The following LCP1 variants were observed in gnomAD, a reference collection of about 807,000 sequenced individuals.
LCP1 encodes the protein lymphocyte cytosolic protein 1, also known as plastin-2.
A neutral mutation model predicts 72.0 loss-of-function variants in LCP1; 23 were observed. That is an observed-to-expected ratio of 0.32 (90% confidence interval 0.23 to 0.45). The LOEUF is 0.45. LCP1 is among the 20% of genes least tolerant of loss of function. LCP1 has a pLI of 1.00. For synonymous variants in LCP1, 245 were observed against 275.4 expected (o/e 0.89, Z 1.09); for missense variants, 571 against 748.3 (o/e 0.76, Z 2.76).
chr13:46,176,184 T>C (rs1012384923), intron 1 of LCP1, among the ~76,000 whole-genome samples: 14 of 152,162 alleles, frequency 9.2e-5, no homozygotes, highest in African/African-American at 3.1e-4. Context: ...AGTTTTAAAA[T>C]GGCTAGAAGA....
chr13:46,144,770 G>A lies in LCP1; in HGVS notation c.1175-250C>T, dbSNP rs185637180. 2.3e-3 allele frequency among the ~76,000 whole-genome samples: 353 copies of A among 152,212 alleles called. 1 individual carries two copies. Among genetic ancestry groups the A allele is most frequent in the African/African-American group, 8.1e-3 (335 of 41,530 alleles). ...TCCTGTGTGGGGTAGCTGTTCAGTT[G>A]GCTCTCAAAGGCTTACCTTCTTGCT... On this transcript the variant is annotated intron_variant, in intron 10 of 15. Coordinates refer to ENST00000323076, the MANE Select transcript of LCP1 (RefSeq NM_002298.5).
At chr13:46,174,752 A>C (rs2045919900) in intron 1 of LCP1, among the ~76,000 whole-genome samples, 1 of 151,532 alleles carries the variant, frequency 6.6e-6, no homozygotes. Flanking sequence ...AGGCTGAGGC[A>C]GGAGAATCTC....
chr13:46,148,311 T>C (rs372482986), intron 9 of LCP1, 41 bp downstream of exon 9: 18 of 1,399,776 alleles, frequency 1.3e-5, no homozygotes, highest in African/African-American at 2.8e-5. Context: ...AACATGAAAA[T>C]AGCATCATAT....
intron 1 of LCP1, among the ~76,000 whole-genome samples, chr13:46,163,444 C>G (rs1032010175): frequency 1.3e-5 from 2 of 152,004 alleles, no homozygotes; most frequent in African/African-American, 2.4e-5. Context: ...GCAGCATGCT[C>G]GTTAAGAGTC....
intron 1 of LCP1, chr13:46,169,720 G>A (rs1015612332): frequency 6.6e-6 from 1 of 152,378 alleles, no homozygotes; most frequent in East Asian, 1.9e-4. Context: ...AAGTAGCTAG[G>A]ACTACAGGCG....
At position 46,150,936 on chromosome 13, in the gene LCP1, C is replaced by T. The variant is rs1566439297; in HGVS notation, c.882G>A (p.Lys294=). The change falls in exon 8 of 16, where the codon AAG becomes AAA. Residue 294 remains lysine, a splice_region_variant and synonymous_variant. Coordinates refer to ENST00000323076, the MANE Select transcript of LCP1 (RefSeq NM_002298.5). The stretch of plus-strand genomic sequence containing the variant: ...CATGTTCAAACAACGCTCCTCCTAC[C>T]TTGATGTCAGTACTGAAGTTGCCAA... ...NKIGNFSTDI[K]DSKAYYHLLE... is the part of the protein sequence containing the mutation. The T allele has an allele frequency of 1.9e-6, 3 of 1,613,396 alleles. No individual in the cohort carries two copies. Among genetic ancestry groups the T allele is most frequent in the Non-Finnish European group, 1.7e-6 (2 of 1,179,630 alleles).
At chr13:46,164,144 C>T (rs991366261) in intron 1 of LCP1, among the ~76,000 whole-genome samples, 1 of 152,180 alleles carries the variant, frequency 6.6e-6, no homozygotes, top group African/African-American at 2.4e-5. Context: ...TGACTCTAAA[C>T]CTGGCCTTAT....
chr13:46,145,691 C>G (rs1362377127), intron 10 of LCP1, among the ~76,000 whole-genome samples: 1 of 78,002 alleles, frequency 1.3e-5, no homozygotes, highest in Non-Finnish European at 2.6e-5. Flanking sequence ...GGGCGGATCA[C>G]GAGGTCAGGA....
intron 1 of LCP1, among the ~76,000 whole-genome samples, chr13:46,181,770 A>G (rs552230808): frequency 6.6e-6 from 1 of 152,378 alleles, no homozygotes; most frequent in Non-Finnish European, 1.5e-5. Flanking sequence ...TAAAGAAGAT[A>G]AAATCACAGT....
intron 15 of LCP1, among the ~76,000 whole-genome samples, chr13:46,128,438 A>C (rs2045613751): frequency 6.6e-6 from 1 of 152,134 alleles, no homozygotes. Context: ...CTCTACTAAA[A>C]ATACAAAAAA....
intron 1 of LCP1, among the ~76,000 whole-genome samples, chr13:46,162,641 G>C (rs866838721): frequency 5.2e-4 from 79 of 152,144 alleles, no homozygotes; most frequent in African/African-American, 1.9e-3. Context: ...GCGTGATCTC[G>C]GCTAGCTACA....
chr13:46,135,125 A>AAAAG (rs2045657301), intron 13 of LCP1, among the ~76,000 whole-genome samples: 11 of 119,288 alleles, frequency 9.2e-5, no homozygotes, highest in Admixed American at 1.8e-4. Flanking sequence ...AAAAAAAAAG[A>AAAAG]AAAAAAAAAA....
chr13:46,154,027 G>A (rs890284189), intron 6 of LCP1, among the ~76,000 whole-genome samples: 8 of 152,258 alleles, frequency 5.3e-5, no homozygotes, highest in Admixed American at 4.6e-4. Flanking sequence ...AGCAAAGGCC[G>A]CCAGTGAATT....
intron 1 of LCP1, among the ~76,000 whole-genome samples, chr13:46,172,895 G>GT (rs2045911374): frequency 2.0e-5 from 3 of 152,224 alleles, no homozygotes. Flanking sequence ...ACTCCCCAAA[G>GT]TCTCAAAGTA....
At chr13:46,176,576 C>T (rs1319761428) in intron 1 of LCP1, among the ~76,000 whole-genome samples, 2 of 152,148 alleles carry the variant, frequency 1.3e-5, no homozygotes, top group African/African-American at 4.8e-5. Flanking sequence ...CATTTGGATA[C>T]ATAGCTTGGA....
chr13:46,145,947 G>A lies in LCP1; in HGVS notation c.1174+961C>T, dbSNP rs981221850. On this transcript the variant is annotated intron_variant, in intron 10 of 15. Coordinates refer to ENST00000323076, the MANE Select transcript of LCP1 (RefSeq NM_002298.5). ...AAAAAAAAAAAAAAAAAAAAAAAAA[G>A]AGGGCAAACGGGATGGGAGGTGGGC... Among the ~76,000 whole-genome samples, 442 of 110,970 alleles carry A rather than the reference G, an allele frequency of 4.0e-3. 48 individuals are homozygous for A. Among genetic ancestry groups the A allele is most frequent in the African/African-American group, 0.011 (318 of 30,198 alleles). 72.8% of individuals were successfully genotyped at this position (110,970 alleles called of 152,430 possible).
intron 1 of LCP1, among the ~76,000 whole-genome samples, chr13:46,174,566 G>A (rs60703870): frequency 0.049 from 7,456 of 152,192 alleles, 239 homozygotes; most frequent in South Asian, 0.078. Flanking sequence ...ATTATAGGCC[G>A]GGTGCAGTGA....
In LCP1 at chr13:46,158,607, T is replaced by C; in HGVS notation, c.273A>G (p.Arg91=). Residue 91 remains arginine (R), a synonymous_variant, in exon 4 of 16, where the codon AGA becomes AGG. Coordinates refer to ENST00000323076, the MANE Select transcript of LCP1 (RefSeq NM_002298.5). ...TCCCTTCCTTCTTATTGATTGCTTT[T>C]CTAAAGGTCTTGGCAACATCTGTGC... ...LKSTDVAKTF[R]KAINKKEGIC... The C allele has an allele frequency of 6.2e-7, 1 of 1,614,226 alleles. No homozygotes were observed. Among genetic ancestry groups the C allele is most frequent in the Non-Finnish European group, 8.5e-7 (1 of 1,180,040 alleles).
intron 13 of LCP1, among the ~76,000 whole-genome samples, chr13:46,138,156 G>C (rs2045675898): frequency 6.6e-6 from 1 of 152,190 alleles, no homozygotes; most frequent in Non-Finnish European, 1.5e-5. Flanking sequence ...TCCACCCTGA[G>C]AATGATTTCC....
Sources: gnomAD v4.1 joint callset for allele counts (sites outside exome capture counted in the v4.1 genomes callset) on GRCh38, gnomAD v4.1.1 for gene constraint, MANE v1.5 for transcripts, NCBI Gene and HGNC (gene_info 2026-07-23, HGNC 2026-07-21) for gene names.